ZNF532: variants seen among roughly 807,000 people sequenced by gnomAD.
The protein encoded by ZNF532 is zinc finger protein 532.
ZNF532 carries 22 observed loss-of-function variants against 89.3 expected under a neutral mutation model. The ratio of observed to expected loss-of-function variants is 0.25; its 90% CI spans 0.18 to 0.35. The LOEUF (loss-of-function observed/expected upper bound fraction) is 0.35, where lower values mean the gene tolerates loss of function less well. ZNF532 is among the 10% of genes least tolerant of loss of function. The pLI is 1.00. For synonymous variants in ZNF532, 606 were observed against 649.6 expected, an observed-to-expected ratio of 0.93 and a Z score of 1.02; for missense variants, 1,132 against 1,643.4, an observed-to-expected ratio of 0.69 and a Z score of 5.38.
chr18:58,956,727 A>T (rs2064814331), intron 7 of ZNF532, among the ~76,000 whole-genome samples: 1 of 152,094 alleles, frequency 6.6e-6, no homozygotes, highest in African/African-American at 2.4e-5. Flanking sequence ...AAGTCGTTGG[A>T]TGTGTTCCTG....
chr18:58,948,041 G>C, intron 5 of ZNF532, 26 bp from the exon 6 acceptor site: 2 of 1,586,914 alleles, frequency 1.3e-6, no homozygotes, highest in Non-Finnish European at 1.7e-6. Context: ...TGACTGACAT[G>C]ATCTCGCTGC....
At chr18:58,955,068 T>C (rs961283981) in intron 7 of ZNF532, among the ~76,000 whole-genome samples, 1 of 152,132 alleles carries the variant, frequency 6.6e-6, no homozygotes, top group Admixed American at 6.5e-5. Context: ...CTCATATTCC[T>C]GGAATATTGA....
At chr18:58,941,594 CT>C (rs1350343178) in intron 5 of ZNF532, among the ~76,000 whole-genome samples, 3 of 150,772 alleles carry the variant, frequency 2.0e-5, no homozygotes, top group African/African-American at 7.3e-5. Flanking sequence ...TTTCTAGTAG[CT>C]GGGACCACAG....
intron 8 of ZNF532, chr18:58,981,199 G>C: frequency 2.3e-6 from 1 of 428,562 alleles, no homozygotes; most frequent in South Asian, 2.3e-5. Context: ...AATGTGTTCA[G>C]CATGGTGCTC....
chr18:58,910,934 A>G (rs764013469), intron 2 of ZNF532, among the ~76,000 whole-genome samples: 10 of 151,664 alleles, frequency 6.6e-5, no homozygotes, highest in Non-Finnish European at 1.3e-4. Flanking sequence ...GCTAGATTGC[A>G]GTGGCGTGAT....
At chr18:58,914,518 A>G (rs567239550) in intron 2 of ZNF532, among the ~76,000 whole-genome samples, 1 of 152,254 alleles carries the variant, frequency 6.6e-6, no homozygotes, top group South Asian at 2.1e-4. Flanking sequence ...CGTCTCTACT[A>G]AAAATACAAA....
At chr18:58,917,450 G>C (rs1299107321) in intron 2 of ZNF532, among the ~76,000 whole-genome samples, 1 of 152,194 alleles carries the variant, frequency 6.6e-6, no homozygotes, top group Non-Finnish European at 1.5e-5. Flanking sequence ...CCAGGGAGCA[G>C]AACATGCCCC....
At chr18:58,889,389 A>G (rs542751600) in intron 2 of ZNF532, among the ~76,000 whole-genome samples, 2 of 152,306 alleles carry the variant, frequency 1.3e-5, no homozygotes, top group South Asian at 4.1e-4. Context: ...TATAACACAT[A>G]TCCATGTACT....
intron 2 of ZNF532, among the ~76,000 whole-genome samples, chr18:58,913,674 C>T (rs565849655): frequency 1.3e-5 from 2 of 152,156 alleles, no homozygotes; most frequent in South Asian, 4.2e-4. Flanking sequence ...TGAAGGGTCT[C>T]AGTGGCCAGA....
intron 7 of ZNF532, among the ~76,000 whole-genome samples, chr18:58,970,042 C>T (rs1368740899): frequency 6.6e-6 from 1 of 151,866 alleles, no homozygotes; most frequent in Non-Finnish European, 1.5e-5. Context: ...TGCCACCACT[C>T]CCGGCTAATT....
At chr18:58,905,822 C>T (rs934596735) in intron 2 of ZNF532, among the ~76,000 whole-genome samples, 37 of 152,204 alleles carry the variant, frequency 2.4e-4, no homozygotes, top group Admixed American at 5.9e-4. Context: ...TCTAGGATAT[C>T]ACATTACATT....
chr18:58,922,068 C>T (rs780741670), intron 3 of ZNF532, among the ~76,000 whole-genome samples: 9 of 151,628 alleles, frequency 5.9e-5, no homozygotes, highest in African/African-American at 1.7e-4. Context: ...GATCATACCA[C>T]GGCACTCCAG....
intron 7 of ZNF532, among the ~76,000 whole-genome samples, chr18:58,978,633 A>T (rs567310125): frequency 5.7e-4 from 87 of 152,224 alleles, no homozygotes; most frequent in African/African-American, 2.0e-3. Flanking sequence ...ATATATTTTT[A>T]AAAAGTTTTT....
chr18:58,915,012 T>A (rs892697954), intron 2 of ZNF532, among the ~76,000 whole-genome samples: 3 of 152,174 alleles, frequency 2.0e-5, no homozygotes, highest in Non-Finnish European at 4.4e-5. Flanking sequence ...GAGTTATACA[T>A]TTTTTTCCCC....
chr18:58,915,724 GTCAGACA>G (rs2060555398), intron 2 of ZNF532, among the ~76,000 whole-genome samples: 1 of 152,248 alleles, frequency 6.6e-6, no homozygotes, highest in African/African-American at 2.4e-5. Context: ...TCATAAGAAT[GTCAGACA>G]GTCGCACTGC....
chr18:58,898,604 C>T (rs1024680787), intron 2 of ZNF532, among the ~76,000 whole-genome samples: 3 of 152,170 alleles, frequency 2.0e-5, no homozygotes, highest in Admixed American at 6.5e-5. Flanking sequence ...GGCAGCCCAG[C>T]GTGAATGCCG....
chr18:58,945,503 T>C (rs570495878), intron 5 of ZNF532, among the ~76,000 whole-genome samples: 5 of 152,302 alleles, frequency 3.3e-5, no homozygotes, highest in Admixed American at 3.3e-4. Flanking sequence ...CTCCTCAGAA[T>C]GATAGCTACG....
At chr18:58,962,912 T>G (rs1603302300) in intron 7 of ZNF532, among the ~76,000 whole-genome samples, 1 of 152,184 alleles carries the variant, frequency 6.6e-6, no homozygotes, top group East Asian at 1.9e-4. Flanking sequence ...GCCCTGGCAT[T>G]CTTAAAGCTT....
chr18:58,934,272 G>T (rs2062186091), intron 3 of ZNF532, 161 bp from the exon 4 acceptor site: 1 of 618,628 alleles, frequency 1.6e-6, no homozygotes, highest in Non-Finnish European at 2.8e-6. Flanking sequence ...TTGTACGCTG[G>T]ACATGTAACT....
Sources: allele counts gnomAD v4.1 joint callset (sites outside exome capture counted in the v4.1 genomes callset), GRCh38; gene constraint gnomAD v4.1.1; transcripts MANE v1.5; gene names NCBI Gene and HGNC (gene_info 2026-07-23, HGNC 2026-07-21).